RIMS1: variants seen among roughly 807,000 people sequenced by gnomAD.
RIMS1 encodes regulating synaptic membrane exocytosis protein 1.
RIMS1 carries 83 observed loss-of-function variants against 214.1 expected under a neutral mutation model. The observed-to-expected ratio is 0.39, with a 90% confidence interval of 0.32 to 0.47. The LOEUF is 0.47. Among genes scored for constraint, RIMS1 ranks in the 20% least tolerant of loss-of-function variants. The pLI is 0.99. For synonymous variants in RIMS1, 793 were observed against 786.8 expected (o/e 1.01, Z -0.13); for missense variants, 2,050 against 2,161.8 (o/e 0.95, Z 1.03).
Position 72,392,804 on chromosome 6 carries a change from G to A in RIMS1, c.4612G>A (p.Ala1538Thr). Residue 1538 changes from alanine (A) to threonine (T), a missense_variant, in exon 31 of 34, where the codon GCA becomes ACA. Ala to Thr is a moderately conservative substitution (Grantham distance 58, BLOSUM62 0). This residue lies in a region of RIMS1 where 121 missense variants were observed against 187.3 expected (regional missense o/e 0.65). Transcript: ENST00000521978. ...LVGRQTLATP[A>T]MGDIQIGMED... ...TGGCCGCCAAACCCTTGCCACCCCT[G>A]CAATGGGTAAGAATCATTTTTTTTT... 1.9e-6 allele frequency: 3 copies of A among 1,600,566 alleles called. No individual in the cohort carries two copies. Among genetic ancestry groups the A allele is most frequent in the Non-Finnish European group, 2.6e-6 (3 of 1,171,244 alleles).
intron 1 of RIMS1, among the ~76,000 whole-genome samples, chr6:71,918,910 T>A (rs1322863954): frequency 3.3e-5 from 5 of 152,084 alleles, no homozygotes; most frequent in Non-Finnish European, 7.4e-5. Context: ...GAGAGAAGGC[T>A]GGGCAAGAAA....
At position 72,135,289 on chromosome 6, in the gene RIMS1, T is replaced by A. The variant is rs962563034; in HGVS notation, c.471+35303T>A. Among the ~76,000 whole-genome samples, 3 of 152,160 alleles carry A rather than the reference T, an allele frequency of 2.0e-5. No homozygotes were observed. The East Asian group carries it at 5.8e-4, about 29-fold the overall frequency. ...AAGATAAAAGCTGGAGAGTTTATTA[T>A]GTTTAATGATACTCAATATAAATAT... On this transcript the variant is annotated intron_variant, in intron 4 of 33. Coordinates refer to ENST00000521978, the MANE Select transcript of RIMS1 (RefSeq NM_014989.7).
intron 4 of RIMS1, among the ~76,000 whole-genome samples, chr6:72,126,195 G>T (rs563681402): frequency 2.0e-5 from 3 of 152,138 alleles, no homozygotes; most frequent in Admixed American, 1.3e-4. Context: ...TCAATAAATG[G>T]TACTGGGAAA....
intron 1 of RIMS1, among the ~76,000 whole-genome samples, chr6:71,906,997 A>G (rs1351744847): frequency 2.0e-5 from 3 of 152,164 alleles, no homozygotes; most frequent in South Asian, 2.1e-4. Flanking sequence ...TTGAATCACA[A>G]TTGGAGCTTT....
intron 6 of RIMS1, among the ~76,000 whole-genome samples, chr6:72,224,667 C>T (rs769711669): frequency 2.4e-4 from 37 of 152,272 alleles, no homozygotes; most frequent in Non-Finnish European, 4.9e-4. Context: ...CTTTGACCGA[C>T]ATTAACGTAG....
intron 4 of RIMS1, among the ~76,000 whole-genome samples, chr6:72,175,914 T>A (rs1386302741): frequency 1.3e-4 from 20 of 152,198 alleles, no homozygotes; most frequent in Non-Finnish European, 2.8e-4. Flanking sequence ...GGGTAAAAAA[T>A]TCCTATGGGT....
intron 19 of RIMS1, chr6:72,261,839 G>GA (rs1489480198): frequency 2.0e-6 from 2 of 984,864 alleles, no homozygotes; most frequent in Non-Finnish European, 2.4e-6. Flanking sequence ...AGTGCCACAG[G>GA]AAAAAATCGA....
At chr6:72,007,242 A>C (rs1472180110) in intron 2 of RIMS1, among the ~76,000 whole-genome samples, 1 of 152,258 alleles carries the variant, frequency 6.6e-6, no homozygotes, top group East Asian at 1.9e-4. Flanking sequence ...AGCAAACTCC[A>C]ACAGACCTGC....
At chr6:72,112,327 C>T (rs1003176127) in intron 4 of RIMS1, among the ~76,000 whole-genome samples, 3 of 152,060 alleles carry the variant, frequency 2.0e-5, no homozygotes, top group African/African-American at 7.2e-5. Flanking sequence ...TCATCCCCCA[C>T]CCCACTCCCA....
intron 1 of RIMS1, among the ~76,000 whole-genome samples, chr6:71,952,589 C>T (rs74632943): frequency 0.015 from 2,359 of 152,222 alleles, 29 homozygotes; most frequent in Middle Eastern, 0.031. Context: ...GTTCCTACTG[C>T]GAAACACCAG....
chr6:71,951,478 C>CTTTTTCT (rs1237497676), intron 1 of RIMS1, among the ~76,000 whole-genome samples: 1 of 128,858 alleles, frequency 7.8e-6, no homozygotes, highest in African/African-American at 3.0e-5. Context: ...TTTTCTTTTT[C>CTTTTTCT]TTTTTTTTTT....
chr6:72,157,911 T>C lies in RIMS1; in HGVS notation c.472-21664T>C, dbSNP rs866023253. On this transcript the variant is annotated intron_variant, in intron 4 of 33. Transcript: ENST00000521978. Reference sequence around the variant, plus strand: ...ACACTCTATTGCTATTATTTTGTTATTCATAAAATCTTATGTTATTAATGC... The same window carrying C: ...ACACTCTATTGCTATTATTTTGTTACTCATAAAATCTTATGTTATTAATGC... 2.7e-4 allele frequency among the ~76,000 whole-genome samples: 38 copies of C among 140,652 alleles called. 4 individuals carry two copies. Among genetic ancestry groups the C allele is most frequent in the African/African-American group, 8.6e-4 (35 of 40,710 alleles). The allele number at this position is 140,652 out of a possible 152,430, so 92.3% of individuals were successfully genotyped here.
intron 29 of RIMS1, among the ~76,000 whole-genome samples, chr6:72,385,188 T>C (rs1389795946): frequency 6.6e-6 from 1 of 152,218 alleles, no homozygotes; most frequent in Non-Finnish European, 1.5e-5. Flanking sequence ...TTTATGTCTT[T>C]ATAAGGTTAA....
chr6:71,910,151 C>T (rs1040174515), intron 1 of RIMS1, among the ~76,000 whole-genome samples: 1 of 152,106 alleles, frequency 6.6e-6, no homozygotes, highest in Non-Finnish European at 1.5e-5. Flanking sequence ...TATCTGCACA[C>T]ACTTTTCTCC....
At chr6:72,271,082 A>T (rs2082826886) in intron 22 of RIMS1, among the ~76,000 whole-genome samples, 1 of 151,948 alleles carries the variant, frequency 6.6e-6, no homozygotes, top group African/African-American at 2.4e-5. Context: ...CCTGACCAAC[A>T]TGGTGAAACC....
intron 4 of RIMS1, among the ~76,000 whole-genome samples, chr6:72,153,889 G>A (rs74516746): frequency 2.6e-5 from 4 of 151,998 alleles, no homozygotes; most frequent in South Asian, 2.1e-4. Flanking sequence ...TTTTAAAAAC[G>A]TACAAAATAT....
At chr6:72,146,827 G>A (rs1252003754) in intron 4 of RIMS1, among the ~76,000 whole-genome samples, 1 of 152,046 alleles carries the variant, frequency 6.6e-6, no homozygotes, top group African/African-American at 2.4e-5. Context: ...TCTATTTTAA[G>A]TAGTCTCAAT....
intron 1 of RIMS1, among the ~76,000 whole-genome samples, chr6:71,946,794 A>T (rs1003333814): frequency 5.9e-5 from 9 of 152,232 alleles, no homozygotes; most frequent in African/African-American, 1.9e-4. Context: ...AAGTGGGATG[A>T]TATCAAGCTA....
intron 29 of RIMS1, among the ~76,000 whole-genome samples, chr6:72,370,953 G>T (rs2154401323): frequency 6.6e-6 from 1 of 152,218 alleles, no homozygotes; most frequent in African/African-American, 2.4e-5. Flanking sequence ...GGAGAAATTT[G>T]TCTTCCCATG....
Sources: gnomAD v4.1 joint callset for allele counts (sites outside exome capture counted in the v4.1 genomes callset) on GRCh38, gnomAD v4.1.1 for gene constraint, gnomAD v4.1.1 regional missense constraint, MANE v1.5 for transcripts, NCBI Gene and HGNC (gene_info 2026-07-23, HGNC 2026-07-21) for gene names.